Variants in PLG observed in about 807,000 individuals in gnomAD.
PLG encodes the protein plasminogen.
Under a neutral mutation model 104.4 loss-of-function variants are expected in PLG, and 41 were observed. The observed-to-expected ratio is 0.39, with a 90% CI of 0.31 to 0.51. PLG has a LOEUF of 0.51. PLG is among the 20% of genes least tolerant of loss of function. PLG has a pLI of 0.76. For synonymous variants in PLG, 337 were observed against 357.1 expected (o/e 0.94, Z 0.63); for missense variants, 891 against 1,003.6 (o/e 0.89, Z 1.52).
intron 17 of PLG, among the ~76,000 whole-genome samples, chr6:160,749,180 AT>A (rs879480073): frequency 1.3e-5 from 2 of 152,136 alleles, no homozygotes; most frequent in Non-Finnish European, 2.9e-5. Flanking sequence ...CAGTTAGTTA[AT>A]CTCTTTTAGC....
At position 160,722,515 on chromosome 6, in the gene PLG, T is replaced by C. The variant is rs765815120; in HGVS notation, c.1204T>C (p.Ser402Pro). 1.2e-6 allele frequency: 2 copies of C among 1,613,982 alleles called. No homozygotes were observed. The highest frequency in any genetic ancestry group is 1.7e-6 in the Non-Finnish European group (2 of 1,179,866). ...CACAGGAAAGAAGTGTCAGTCTTGG[T>C]CATCTATGACACCACACCGGCACCA... ...TTTGKKCQSW[S>P]SMTPHRHQKT... Residue 402 changes from serine (S) to proline (P), a missense_variant, in exon 10 of 19, where the codon TCA becomes CCA. By Grantham distance (74) the Ser-to-Pro change is moderately conservative. Around this residue, in one of 2 missense-constraint regions of PLG, gnomAD observed 854 missense variants for 932.1 expected, o/e 0.92. Transcript: ENST00000308192.
chr6:160,728,472 A>G (rs1777953178), intron 10 of PLG, among the ~76,000 whole-genome samples: 1 of 40,720 alleles, frequency 2.5e-5, no homozygotes, highest in Non-Finnish European at 4.8e-5. Flanking sequence ...TAAAGAGAAG[A>G]AAAAAGTTGG....
Position 160,729,278 on chromosome 6 carries a change from A to C in PLG, c.1257-1773A>C, listed in dbSNP as rs372447650. ...GTGCTGTCACTGATGTGGAGCGAGG[A>C]TGTGCAGCTCTCGCATACGCTGGTT... On this transcript the variant is annotated intron_variant, in intron 10 of 18. Transcript: ENST00000308192. 2.6e-5 allele frequency among the ~76,000 whole-genome samples: 4 copies of C among 152,228 alleles called. No homozygotes were observed. The East Asian group carries it at 5.8e-4, about 22-fold the overall frequency.
Position 160,740,824 on chromosome 6 carries a change from C to A in PLG, c.2019-487C>A, listed in dbSNP as rs1202220321. Among the ~76,000 whole-genome samples the A allele has an allele frequency of 6.6e-6, 1 of 152,132 alleles. No homozygotes were observed. Among genetic ancestry groups the A allele is most frequent in the African/African-American group, 2.4e-5 (1 of 41,430 alleles). On this transcript the variant is annotated intron_variant, in intron 16 of 18. Coordinates refer to ENST00000308192, the MANE Select transcript of PLG (RefSeq NM_000301.5). The surrounding 1 kb of genome is among the most constrained non-coding windows in gnomAD (Gnocchi z 5.2). ...TATCAAGTATTTTACTGGATTCTTA[C>A]AACTATGGCGTAGTAACATTCACTG...
Position 160,718,453 on chromosome 6 carries a change from G to A in PLG, c.947G>A (p.Cys316Tyr). 1 of 1,610,994 alleles carries A rather than the reference G, an allele frequency of 6.2e-7. No individual in the cohort carries two copies. Reference protein sequence around the residue: ...THNRTPENFPCKNLDENYCRN... With the variant: ...THNRTPENFPYKNLDENYCRN... ...AACAGGACACCAGAAAACTTCCCCT[G>A]CAAGTAAGTCCCCTCCGGTCTCATT... Residue 316 changes from cysteine (C) to tyrosine (Y), a missense_variant, in exon 8 of 19, where the codon TGC becomes TAC. Physicochemically the swap from Cys to Tyr is radical, Grantham distance 194. Coordinates refer to ENST00000308192, the MANE Select transcript of PLG (RefSeq NM_000301.5).
Position 160,723,293 on chromosome 6 carries a change from C to T in PLG, c.1256+726C>T, listed in dbSNP as rs1031108312. Among the ~76,000 whole-genome samples the T allele has an allele frequency of 1.1e-4, 17 of 152,062 alleles. No homozygotes were observed. The highest frequency in any genetic ancestry group is 3.9e-4 in the African/African-American group (16 of 41,486). On this transcript the variant is annotated intron_variant, in intron 10 of 18. Transcript: ENST00000308192. The surrounding 1 kb of genome is among the most constrained non-coding windows in gnomAD (Gnocchi z 4.7). ...AGCAGGATACGCAGATGCTGAACAG[C>T]GAAAGAGGCCATTAGATGAACAGAA...
chr6:160,726,475 CAT>C lies in PLG; in HGVS notation c.1256+3909_1256+3910del, dbSNP rs756266810. Among the ~76,000 whole-genome samples the C allele has an allele frequency of 8.6e-5, 13 of 151,816 alleles. No homozygotes were observed. Among genetic ancestry groups the C allele is most frequent in the Non-Finnish European group, 1.8e-4 (12 of 67,874 alleles). On this transcript the variant is annotated intron_variant, in intron 10 of 18. Transcript: ENST00000308192. This position sits in a 1 kb window ranked among gnomAD's most constrained non-coding sequence, Gnocchi z 4.4. ...AAATGCTTTCAGTAGAAAATAGAAACATGTAAAAATCAATGACTTAAGATGGC... is the reference window on the plus strand; with the variant it reads ...AAATGCTTTCAGTAGAAAATAGAAACGTAAAAATCAATGACTTAAGATGGC...
chr6:160,738,830 A>G lies in PLG; in HGVS notation c.1877+218A>G, dbSNP rs1778135670. Among the ~76,000 whole-genome samples the G allele has an allele frequency of 6.6e-6, 1 of 152,172 alleles. No individual in the cohort carries two copies. On this transcript the variant is annotated intron_variant, in intron 15 of 18. Transcript: ENST00000308192. The surrounding 1 kb of genome is among the most constrained non-coding windows in gnomAD (Gnocchi z 6.8). ...AGTACAGATGATTTTGTGGGCCTGA[A>G]TAAACTGCAGAACAGAGCTGTTCAC... is the stretch of plus-strand genomic sequence containing the variant.
intron 6 of PLG, among the ~76,000 whole-genome samples, chr6:160,716,318 C>T (rs1166902234): frequency 6.6e-6 from 1 of 152,170 alleles, no homozygotes; most frequent in Non-Finnish European, 1.5e-5. Flanking sequence ...TGCTTGGCAG[C>T]CGGGCATGGT....
chr6:160,737,157 T>C lies in PLG; in HGVS notation c.1802+150T>C, dbSNP rs1393487605. The C allele has an allele frequency of 3.9e-6, 3 of 764,490 alleles. No homozygotes were observed. Among genetic ancestry groups the C allele is most frequent in the East Asian group, 3.4e-5 (1 of 29,264 alleles). The allele number at this position is 764,490 out of a possible 1,614,324, so 47.4% of individuals were successfully genotyped here. On this transcript the variant is annotated intron_variant, in intron 14 of 18. Coordinates refer to ENST00000308192, the MANE Select transcript of PLG (RefSeq NM_000301.5). The surrounding 1 kb of genome is among the most constrained non-coding windows in gnomAD (Gnocchi z 4.7). ...GAAAAAAGCTACAAAAATTAATATA[T>C]GTATATATACATATATATTTTTATA...
At chr6:160,707,969 G>A (rs967497044) in intron 3 of PLG, 163 bp downstream of exon 3, 3 of 653,080 alleles carry the variant, frequency 4.6e-6, no homozygotes, top group African/African-American at 1.8e-5. Flanking sequence ...AACTAACCAT[G>A]TCAGCTTGAG....
intron 1 of PLG, among the ~76,000 whole-genome samples, chr6:160,705,049 A>C (rs1448408503): frequency 6.6e-6 from 1 of 152,104 alleles, no homozygotes; most frequent in Non-Finnish European, 1.5e-5. Flanking sequence ...CTGCTCTCCT[A>C]GTCACTCTGT....
At chr6:160,702,751 A>G (rs1407279176) in intron 1 of PLG, among the ~76,000 whole-genome samples, 2 of 152,200 alleles carry the variant, frequency 1.3e-5, no homozygotes, top group Non-Finnish European at 2.9e-5. Flanking sequence ...AAACAGTGAA[A>G]TATCTCTTTG....
intron 5 of PLG, among the ~76,000 whole-genome samples, chr6:160,714,469 C>A (rs1307661199): frequency 1.4e-5 from 2 of 142,438 alleles, no homozygotes; most frequent in Admixed American, 6.9e-5. Flanking sequence ...AATATATGCA[C>A]CCTTGGCTCC....
intron 6 of PLG, among the ~76,000 whole-genome samples, chr6:160,715,447 G>A (rs1466414084): frequency 6.6e-6 from 1 of 152,098 alleles, no homozygotes; most frequent in Non-Finnish European, 1.5e-5. Flanking sequence ...TCTGGAATGA[G>A]GATTCGTAAC....
chr6:160,718,210 C>G, intron 7 of PLG, 84 bp from the exon 8 acceptor site: 1 of 1,185,682 alleles, frequency 8.4e-7, no homozygotes, highest in African/African-American at 1.5e-5. Context: ...TGAGATCGTG[C>G]CACTGACTCC....
At position 160,716,505 on chromosome 6, in the gene PLG, A is replaced by ATT. The variant is rs1375475201; in HGVS notation, c.669-140_669-139insTT. On this transcript the variant is annotated intron_variant, in intron 6 of 18. Coordinates refer to ENST00000308192, the MANE Select transcript of PLG (RefSeq NM_000301.5). ...CCTTGTTTCCTTGTTGCCATCTCTG[A>ATT]ACACAGCCTTCATCTGATTACCTCC... 18 of 709,888 alleles carry ATT rather than the reference A, an allele frequency of 2.5e-5. No individual in the cohort carries two copies. In the East Asian group the frequency reaches 4.2e-4, roughly 17 times the overall value. 44.0% of individuals were successfully genotyped at this position (709,888 alleles called of 1,614,324 possible). A position where few individuals can be genotyped will look rare whatever the true frequency, so the allele number is the denominator to read the frequency against.
At position 160,732,003 on chromosome 6, in the gene PLG, G is replaced by A; in HGVS notation, c.1587+110G>A. 2 of 1,097,790 alleles carry A rather than the reference G, an allele frequency of 1.8e-6. No individual in the cohort carries two copies. Among genetic ancestry groups the A allele is most frequent in the South Asian group, 2.5e-5 (2 of 80,098 alleles). 68.0% of individuals were successfully genotyped at this position (1,097,790 alleles called of 1,614,324 possible). On this transcript the variant is annotated intron_variant, in intron 12 of 18. Coordinates refer to ENST00000308192, the MANE Select transcript of PLG (RefSeq NM_000301.5). The surrounding 1 kb of genome is among the most constrained non-coding windows in gnomAD (Gnocchi z 4.5). ...CCTGGACTGCTCTTTTTTGTAATGGGGGAGAGGGGACAGAAGAAAATATTG... is the reference window on the plus strand; with the variant it reads ...CCTGGACTGCTCTTTTTTGTAATGGAGGAGAGGGGACAGAAGAAAATATTG...
At position 160,732,922 on chromosome 6, in the gene PLG, CG is replaced by C. The variant is rs1778021518; in HGVS notation, c.1587+1030del. Among the ~76,000 whole-genome samples, 1 of 152,088 alleles carries C rather than the reference CG, an allele frequency of 6.6e-6. No homozygotes were observed. Among genetic ancestry groups the C allele is most frequent in the Non-Finnish European group, 1.5e-5 (1 of 68,010 alleles). On this transcript the variant is annotated intron_variant, in intron 12 of 18. Transcript: ENST00000308192. The surrounding 1 kb of genome is among the most constrained non-coding windows in gnomAD (Gnocchi z 4.5). ...ATTACAGAGGCACAGTTGAATACAT[CG>C]TTGGCCATTGGAGACCAGCTCACCT...
Sources: allele counts gnomAD v4.1 joint callset (sites outside exome capture counted in the v4.1 genomes callset), GRCh38; gene constraint gnomAD v4.1.1; regional missense constraint gnomAD v4.1.1; non-coding constraint Gnocchi (gnomAD v3.1); transcripts MANE v1.5; gene names NCBI Gene and HGNC (gene_info 2026-07-23, HGNC 2026-07-21).